KANK1: variants seen among roughly 807,000 people sequenced by gnomAD.
KANK1 encodes KN motif and ankyrin repeat domain-containing protein 1.
In KANK1, 109 loss-of-function variants were observed where a neutral mutation model predicts 106.2. That is an observed-to-expected ratio of 1.03 (90% confidence interval 0.88 to 1.20). KANK1 has a LOEUF of 1.20. KANK1 is among the 50% of genes most tolerant of loss of function. The pLI, the probability that KANK1 is intolerant of heterozygous loss-of-function variation, is 0.00. For synonymous variants in KANK1, 873 were observed against 652.2 expected (o/e 1.34, Z -5.16); for missense variants, 2,399 against 1,710.7 (o/e 1.40, Z -7.10).
chr9:727,680 A>ATGTGTGTGTGTGTGTGTG (rs55997819), intron 3 of KANK1, among the ~76,000 whole-genome samples: 31 of 139,764 alleles, frequency 2.2e-4, no homozygotes, highest in African/African-American at 7.4e-4. Context: ...ATAACTTTTC[A>ATGTGTGTGTGTGTGTGTG]TGTGTGTGTG....
chr9:540,860 T>C (rs1446230697), intron 1 of KANK1, among the ~76,000 whole-genome samples: 1 of 152,214 alleles, frequency 6.6e-6, no homozygotes, highest in Admixed American at 6.5e-5. Flanking sequence ...GTGGTATCAA[T>C]TGTAATGTCT....
chr9:654,313 G>T (rs1841600252), intron 1 of KANK1, among the ~76,000 whole-genome samples: 1 of 152,142 alleles, frequency 6.6e-6, no homozygotes, highest in African/African-American at 2.4e-5. Flanking sequence ...AAGGCAGGGT[G>T]TTTTCCAAAT....
At chr9:551,399 T>TA (rs1486350062) in intron 1 of KANK1, among the ~76,000 whole-genome samples, 1 of 152,120 alleles carries the variant, frequency 6.6e-6, no homozygotes, top group Non-Finnish European at 1.5e-5. Context: ...GCTGTCAGTT[T>TA]AAATTCAGAG....
intron 1 of KANK1, among the ~76,000 whole-genome samples, chr9:577,418 T>C (rs1820870074): frequency 6.6e-6 from 1 of 152,138 alleles, no homozygotes; most frequent in South Asian, 2.1e-4. Flanking sequence ...CACAGAGCGC[T>C]GATTGGTGCG....
chr9:508,248 C>G (rs1014064623), intron 1 of KANK1, among the ~76,000 whole-genome samples: 1 of 145,516 alleles, frequency 6.9e-6, no homozygotes, highest in Non-Finnish European at 1.5e-5. Context: ...AAGCGATTCT[C>G]TGCCTCAGCC....
intron 5 of KANK1, 144 bp from the exon 6 acceptor site, chr9:732,234 A>G: frequency 1.1e-6 from 1 of 925,610 alleles, no homozygotes; most frequent in South Asian, 1.7e-5. Context: ...ATTTAAATAG[A>G]CCTTACTTTG....
intron 1 of KANK1, among the ~76,000 whole-genome samples, chr9:635,693 TC>T (rs1836942462): frequency 7.4e-6 from 1 of 134,454 alleles, no homozygotes; most frequent in Non-Finnish European, 1.6e-5. Context: ...TCCTTTTTAT[TC>T]TTTTTTTTTT....
chr9:498,685 ATAAT>A (rs2058496688), intron 3 of KANK1, among the ~76,000 whole-genome samples: 1 of 152,236 alleles, frequency 6.6e-6, no homozygotes, highest in East Asian at 1.9e-4. Flanking sequence ...AATTCTCAAC[ATAAT>A]TAGTCTTAGA....
At chr9:613,868 C>G (rs1218408974) in intron 1 of KANK1, among the ~76,000 whole-genome samples, 1 of 152,106 alleles carries the variant, frequency 6.6e-6, no homozygotes, top group Non-Finnish European at 1.5e-5. Context: ...TGTGACTGTC[C>G]TAAGTACTAA....
chr9:569,112 C>T (rs981656625), intron 1 of KANK1, among the ~76,000 whole-genome samples: 8 of 152,098 alleles, frequency 5.3e-5, no homozygotes, highest in African/African-American at 1.7e-4. Flanking sequence ...CTGCCTGACA[C>T]ACTACTGTAT....
intron 1 of KANK1, among the ~76,000 whole-genome samples, chr9:627,640 G>C (rs1052660036): frequency 1.3e-5 from 2 of 152,298 alleles, no homozygotes; most frequent in African/African-American, 2.4e-5. Flanking sequence ...TCTTCAGTCT[G>C]CTATTTTGAA....
chr9:605,016 ACCT>A lies in KANK1; in HGVS notation c.-83-71870_-83-71868del, dbSNP rs143332988. On this transcript the variant is annotated intron_variant, in intron 1 of 11. Transcript: ENST00000382297. ...ACCATCTCATTTGTTTTTAATAGAA[ACCT>A]CCTGCTGAGAGTGGTGGCTCACGCC... 4.9e-3 allele frequency among the ~76,000 whole-genome samples: 748 copies of A among 151,540 alleles called. 33 individuals are homozygous for A. Among genetic ancestry groups the A allele is most frequent in the African/African-American group, 0.017 (698 of 41,022 alleles).
intron 2 of KANK1, among the ~76,000 whole-genome samples, chr9:697,799 G>T (rs1475934489): frequency 6.6e-6 from 1 of 152,130 alleles, no homozygotes; most frequent in Non-Finnish European, 1.5e-5. Flanking sequence ...GGGTTCAAAA[G>T]AGTTTGAATC....
intron 1 of KANK1, among the ~76,000 whole-genome samples, chr9:655,424 C>G (rs1420244246): frequency 6.7e-6 from 1 of 149,472 alleles, no homozygotes; most frequent in Non-Finnish European, 1.5e-5. Flanking sequence ...GTAGGTTGCT[C>G]CAGATAAAAG....
chr9:588,454 G>A (rs541159726), intron 1 of KANK1, among the ~76,000 whole-genome samples: 2 of 152,234 alleles, frequency 1.3e-5, no homozygotes, highest in African/African-American at 4.8e-5. Flanking sequence ...AGGTGTTGAT[G>A]TATTCTGTTA....
intron 7 of KANK1, among the ~76,000 whole-genome samples, chr9:736,433 G>A (rs937181503): frequency 1.3e-5 from 2 of 152,172 alleles, no homozygotes; most frequent in Non-Finnish European, 2.9e-5. Context: ...TCCAGGCACA[G>A]TGGCTCACAC....
chr9:718,298 C>CTTT (rs60145502), intron 3 of KANK1, among the ~76,000 whole-genome samples: 20,854 of 74,012 alleles, frequency 0.28, 5,065 homozygotes, highest in Non-Finnish European at 0.41. Flanking sequence ...CTTGCTGTGT[C>CTTT]TTTTTTTTTT....
intron 3 of KANK1, among the ~76,000 whole-genome samples, chr9:726,033 T>C (rs1364522149): frequency 6.6e-6 from 1 of 152,236 alleles, no homozygotes; most frequent in Non-Finnish European, 1.5e-5. Flanking sequence ...CAGTGTTAAA[T>C]GGGTTTCCTG....
At chr9:595,683 A>G (rs1442172136) in intron 1 of KANK1, among the ~76,000 whole-genome samples, 1 of 151,596 alleles carries the variant, frequency 6.6e-6, no homozygotes, top group Non-Finnish European at 1.5e-5. Flanking sequence ...GCACCACCAC[A>G]TCTGGCTAAT....
Sources: allele counts gnomAD v4.1 joint callset (sites outside exome capture counted in the v4.1 genomes callset), GRCh38; gene constraint gnomAD v4.1.1; transcripts MANE v1.5; gene names NCBI Gene and HGNC (gene_info 2026-07-23, HGNC 2026-07-21).